TBC1D1: variants seen among roughly 807,000 people sequenced by gnomAD.
TBC1D1 encodes the protein TBC1 (tre-2/USP6, BUB2, cdc16) domain family, member 1.
Under a neutral mutation model 125.6 loss-of-function variants are expected in TBC1D1, and 89 were observed. The ratio of observed to expected loss-of-function variants is 0.71; its 90% confidence interval spans 0.60 to 0.85. The LOEUF (loss-of-function observed/expected upper bound fraction) is 0.85. TBC1D1 is among the 40% of genes least tolerant of loss of function. The probability of loss-of-function intolerance (pLI) is 0.00; values close to 1 mark genes in which losing one functional copy is unlikely to be tolerated. For missense variants in TBC1D1, 1,377 were observed against 1,469.2 expected (o/e 0.94, Z 1.03); for synonymous variants, 565 against 564.1 (o/e 1.00, Z -0.02).
chr4:38,093,574 C>T (rs1175534021), intron 13 of TBC1D1, among the ~76,000 whole-genome samples: 3 of 146,442 alleles, frequency 2.0e-5, no homozygotes. Flanking sequence ...GCTTAGGCTA[C>T]AGTACAGTGG....
At chr4:38,119,395 ATT>A (rs1450938221) in intron 17 of TBC1D1, among the ~76,000 whole-genome samples, 4 of 152,120 alleles carry the variant, frequency 2.6e-5, no homozygotes, top group Non-Finnish European at 5.9e-5. Flanking sequence ...TACTATAAGA[ATT>A]CATATTCCTT....
rs189218705 is a variant in TBC1D1, at chr4:38,100,210, A to G, written c.2399-2789A>G. 3.3e-5 allele frequency among the ~76,000 whole-genome samples: 5 copies of G among 152,320 alleles called. 1 individual carries two copies. Among genetic ancestry groups the G allele is most frequent in the African/African-American group, 1.2e-4 (5 of 41,574 alleles). On this transcript the variant is annotated intron_variant, in intron 14 of 19. Transcript: ENST00000261439. The stretch of plus-strand genomic sequence containing the variant: ...TAGTAGAAAGCAGAGATCAGGGTAT[A>G]TTTGCTTCCTGTTGCTACCATAACA...
chr4:37,898,014 T>G lies in TBC1D1; in HGVS notation c.-93-3989T>G, dbSNP rs566756801. On this transcript the variant is annotated intron_variant, in intron 1 of 19. Coordinates refer to ENST00000261439, the MANE Select transcript of TBC1D1 (RefSeq NM_015173.4). ...AAAGTATTGCTTTATTTTTTATTTC[T>G]TGAACATTTGAAATAAAAAATTAGC... Among the ~76,000 whole-genome samples, 171 of 152,342 alleles carry G rather than the reference T, an allele frequency of 1.1e-3. 6 individuals carry two copies. In the South Asian group the frequency reaches 0.034, roughly 30 times the overall value.
chr4:38,081,397 C>T (rs531121187), intron 12 of TBC1D1, among the ~76,000 whole-genome samples: 13 of 152,112 alleles, frequency 8.5e-5, no homozygotes, highest in African/African-American at 3.1e-4. Context: ...CCCTCTCCCA[C>T]CCTATTTCTA....
At chr4:38,025,674 T>C (rs1405379859) in intron 6 of TBC1D1, among the ~76,000 whole-genome samples, 1 of 152,236 alleles carries the variant, frequency 6.6e-6, no homozygotes, top group Non-Finnish European at 1.5e-5. Flanking sequence ...CAAAATATGA[T>C]ACTTCGGCTG....
At chr4:37,950,997 C>G (rs1727745287) in intron 2 of TBC1D1, among the ~76,000 whole-genome samples, 1 of 152,138 alleles carries the variant, frequency 6.6e-6, no homozygotes, top group Non-Finnish European at 1.5e-5. Context: ...CTCCTGACCT[C>G]AGGTGATCCA....
chr4:37,922,685 A>G (rs1209776477), intron 2 of TBC1D1, among the ~76,000 whole-genome samples: 1 of 152,206 alleles, frequency 6.6e-6, no homozygotes, highest in Non-Finnish European at 1.5e-5. Context: ...GCTACAGAAT[A>G]TTCCTCCTTT....
chr4:38,057,747 T>C (rs1751993058), intron 12 of TBC1D1, among the ~76,000 whole-genome samples: 1 of 152,228 alleles, frequency 6.6e-6, no homozygotes, highest in Non-Finnish European at 1.5e-5. Flanking sequence ...CTTAAGAACA[T>C]CGACATTTTT....
chr4:37,964,763 TCCTA>T, intron 2 of TBC1D1, among the ~76,000 whole-genome samples: 1 of 152,370 alleles, frequency 6.6e-6, no homozygotes, highest in East Asian at 1.9e-4. Context: ...CTTCCTTCCT[TCCTA>T]CCTCATTCGT....
intron 3 of TBC1D1, among the ~76,000 whole-genome samples, chr4:38,016,661 CGTT>C (rs1354780685): frequency 2.1e-4 from 32 of 152,292 alleles, no homozygotes; most frequent in Admixed American, 2.1e-3. Flanking sequence ...TCACTGCTGT[CGTT>C]GGTAGTGCCT....
intron 11 of TBC1D1, 107 bp downstream of exon 12, chr4:38,052,167 CTG>C (rs58659939): frequency 0.064 from 46,451 of 723,370 alleles, 473 homozygotes; most frequent in Admixed American, 0.12. Context: ...AGCAGAGCCA[CTG>C]TGTGTGTGTG....
intron 15 of TBC1D1, among the ~76,000 whole-genome samples, chr4:38,114,943 C>T (rs564415681): frequency 1.5e-4 from 23 of 152,118 alleles, no homozygotes; most frequent in African/African-American, 5.3e-4. Flanking sequence ...AAAAGCAGAT[C>T]CAGAGAGTGC....
intron 12 of TBC1D1, among the ~76,000 whole-genome samples, chr4:38,089,011 A>C (rs909876117): frequency 6.6e-6 from 1 of 152,214 alleles, no homozygotes; most frequent in Non-Finnish European, 1.5e-5. Context: ...AAAGATGTAG[A>C]ATTTTAATTT....
chr4:38,039,960 T>A (rs1399537288), intron 8 of TBC1D1, among the ~76,000 whole-genome samples: 1 of 151,984 alleles, frequency 6.6e-6, no homozygotes, highest in Non-Finnish European at 1.5e-5. Flanking sequence ...GTTTTTTTTT[T>A]TTAAAGAAAT....
rs78371192 is a variant in TBC1D1, at chr4:38,031,840, T to C, written c.1303-3748T>C. Among the ~76,000 whole-genome samples the C allele has an allele frequency of 3.0e-4, 46 of 152,346 alleles. No homozygotes were observed. In the East Asian group the frequency reaches 8.5e-3, roughly 28 times the overall value. On this transcript the variant is annotated intron_variant, in intron 7 of 19. Coordinates refer to ENST00000261439, the MANE Select transcript of TBC1D1 (RefSeq NM_015173.4). ...TTTATGACAATTTATAAGCCTCTTATAGGTTAAGAAACATGTAACTAATTT... is the reference window on the plus strand; with the variant it reads ...TTTATGACAATTTATAAGCCTCTTACAGGTTAAGAAACATGTAACTAATTT...
intron 1 of TBC1D1, 117 bp from the exon 2 acceptor site, chr4:37,901,886 G>T: frequency 4.1e-6 from 2 of 489,552 alleles, no homozygotes; most frequent in Non-Finnish European, 3.6e-6. Context: ...AAGCTTATTT[G>T]AACCTCTTAT....
At chr4:38,110,014 A>G (rs1027121807) in intron 15 of TBC1D1, among the ~76,000 whole-genome samples, 1 of 152,226 alleles carries the variant, frequency 6.6e-6, no homozygotes, top group Non-Finnish European at 1.5e-5. Flanking sequence ...TCCCTGGAGA[A>G]AAGAGCAAAA....
intron 12 of TBC1D1, among the ~76,000 whole-genome samples, chr4:38,074,573 A>G (rs1755243934): frequency 6.6e-6 from 1 of 152,120 alleles, no homozygotes; most frequent in Non-Finnish European, 1.5e-5. Context: ...GTAAATATGC[A>G]AATTTTTTAC....
At chr4:38,027,940 G>C in intron 7 of TBC1D1, 61 bp downstream of exon 7, 1 of 1,293,580 alleles carries the variant, frequency 7.7e-7, no homozygotes, top group Non-Finnish European at 1.1e-6. Flanking sequence ...CCTGGGAAAT[G>C]CTATGTGTAA....
Sources: allele counts gnomAD v4.1 joint callset (sites outside exome capture counted in the v4.1 genomes callset), GRCh38; gene constraint gnomAD v4.1.1; transcripts MANE v1.5; gene names NCBI Gene and HGNC (gene_info 2026-07-23, HGNC 2026-07-21).